The following TENM3 variants were observed in gnomAD, a reference collection of about 807,000 sequenced individuals.
TENM3 encodes teneurin transmembrane protein 3, also known as teneurin-3.
Under a neutral mutation model 255.1 loss-of-function variants are expected in TENM3, and 63 were observed. The observed-to-expected ratio is 0.25, with a 90% confidence interval of 0.20 to 0.30. The LOEUF is 0.30. Among genes scored for constraint, TENM3 ranks in the 10% least tolerant of loss-of-function variants. TENM3 has a pLI of 1.00. For missense variants in TENM3, 2,929 were observed against 3,461.1 expected (o/e 0.85, Z 3.86); for synonymous variants, 1,306 against 1,322.3 (o/e 0.99, Z 0.27).
the TENM3 span, among the ~76,000 whole-genome samples, chr4:182,084,199 A>G: frequency 5.1e-4 from 78 of 151,462 alleles, no homozygotes; most frequent in African/African-American, 1.5e-3. Context: ...TGCTGGGGGG[A>G]AAAAATAAGC....
At chr4:181,974,338 C>T in the TENM3 span, among the ~76,000 whole-genome samples, 4 of 152,080 alleles carry the variant, frequency 2.6e-5, no homozygotes, top group Admixed American at 6.6e-5. Context: ...GATGCCAAGG[C>T]GGGTGGATCA....
chr4:182,521,052 T>G (rs1738511632), intron 3 of TENM3, among the ~76,000 whole-genome samples: 1 of 152,220 alleles, frequency 6.6e-6, no homozygotes, highest in South Asian at 2.1e-4. Flanking sequence ...CTTTCATTTT[T>G]TATTTCAGAT....
At chr4:182,618,522 C>A (rs754039703) in intron 4 of TENM3, among the ~76,000 whole-genome samples, 1 of 151,278 alleles carries the variant, frequency 6.6e-6, no homozygotes, top group Non-Finnish European at 1.5e-5. Context: ...CACTAAAAAT[C>A]TTATGATGGT....
At chr4:181,717,355 CTAG>C in the TENM3 span, among the ~76,000 whole-genome samples, 2,571 of 152,212 alleles carry the variant, frequency 0.017, 43 homozygotes, top group Middle Eastern at 0.027. Context: ...TAAAAATGTC[CTAG>C]TAGAGATATT....
chr4:181,617,619 T>C, the TENM3 span, among the ~76,000 whole-genome samples: 7 of 152,212 alleles, frequency 4.6e-5, no homozygotes, highest in Admixed American at 4.6e-4. Flanking sequence ...TTGGAGGTTC[T>C]GTTCTATTTA....
chr4:181,517,291 G>A, the TENM3 span, among the ~76,000 whole-genome samples: 1 of 152,126 alleles, frequency 6.6e-6, no homozygotes, highest in African/African-American at 2.4e-5. Flanking sequence ...TCAATTTTCA[G>A]CCTCTGGAAT....
the TENM3 span, among the ~76,000 whole-genome samples, chr4:181,884,266 T>C: frequency 6.6e-6 from 1 of 151,904 alleles, no homozygotes; most frequent in Admixed American, 6.6e-5. Context: ...AATTTCCCGT[T>C]TATTTCTGAA....
the TENM3 span, among the ~76,000 whole-genome samples, chr4:181,931,394 G>C: frequency 1.3e-5 from 2 of 151,958 alleles, no homozygotes; most frequent in African/African-American, 4.8e-5. Flanking sequence ...GAGCCAAATA[G>C]TGAGTGAACT....
At chr4:181,855,750 T>C in the TENM3 span, among the ~76,000 whole-genome samples, 2 of 151,884 alleles carry the variant, frequency 1.3e-5, no homozygotes, top group Non-Finnish European at 2.9e-5. Context: ...GTGTTTGTCA[T>C]ATTAATAGTT....
intron 3 of TENM3, among the ~76,000 whole-genome samples, chr4:182,353,701 C>G (rs942724171): frequency 1.3e-5 from 2 of 152,206 alleles, no homozygotes; most frequent in Non-Finnish European, 2.9e-5. Flanking sequence ...GGCGTGGTGG[C>G]TCACGCCTGT....
At chr4:182,318,940 G>T (rs1183559289) in intron 1 of TENM3, among the ~76,000 whole-genome samples, 2 of 151,766 alleles carry the variant, frequency 1.3e-5, no homozygotes, top group African/African-American at 2.4e-5. Flanking sequence ...GCTAATTTTT[G>T]ATTTTTTTAT....
the TENM3 span, among the ~76,000 whole-genome samples, chr4:182,133,271 A>G: frequency 5.9e-5 from 9 of 152,348 alleles, no homozygotes; most frequent in Admixed American, 5.2e-4. Context: ...ATAATGCTTT[A>G]TGTTAAAAAT....
At position 182,778,147 on chromosome 4, in the gene TENM3, A is replaced by T. The variant is rs538503978; in HGVS notation, c.5304+2994A>T. ...TATTTACTAAATATTCCTAGGTTTTATCAGGGCTGGATTGTAGAACCTGCC... is the reference window on the plus strand; with the variant it reads ...TATTTACTAAATATTCCTAGGTTTTTTCAGGGCTGGATTGTAGAACCTGCC... On this transcript the variant is annotated intron_variant, in intron 24 of 27. Coordinates refer to ENST00000511685, the MANE Select transcript of TENM3 (RefSeq NM_001080477.4). Among the ~76,000 whole-genome samples, 6 of 152,248 alleles carry T rather than the reference A, an allele frequency of 3.9e-5. No individual in the cohort carries two copies. The South Asian group carries it at 1.2e-3, about 32-fold the overall frequency.
intron 3 of TENM3, among the ~76,000 whole-genome samples, chr4:182,405,301 C>T (rs1184837866): frequency 1.3e-5 from 2 of 152,142 alleles, no homozygotes; most frequent in East Asian, 1.9e-4. Flanking sequence ...GTAGATGTTG[C>T]GTAATTTTGG....
rs770601961 is a variant in TENM3 at position 182,324,263 on chromosome 4, G to A, written c.232+11G>A. ...AGTTCACTAGACAAGGTGGGTAACTGTCCTAGTAAAATAAGGCAATGCTCA... is the reference window on the plus strand; with the variant it reads ...AGTTCACTAGACAAGGTGGGTAACTATCCTAGTAAAATAAGGCAATGCTCA... On this transcript the variant is annotated intron_variant, in intron 2 of 27. Transcript: ENST00000511685. The A allele has an allele frequency of 5.7e-6, 9 of 1,591,656 alleles. No homozygotes were observed. The African/African-American group carries it at 1.1e-4, about 19-fold the overall frequency.
At chr4:181,907,493 A>G in the TENM3 span, among the ~76,000 whole-genome samples, 2 of 152,196 alleles carry the variant, frequency 1.3e-5, no homozygotes, top group African/African-American at 4.8e-5. Flanking sequence ...TCTGCAGGCC[A>G]GGACACAGAG....
At chr4:182,205,537 A>G (rs1319255233) in intron 1 of TENM3, among the ~76,000 whole-genome samples, 2 of 152,116 alleles carry the variant, frequency 1.3e-5, no homozygotes, top group Non-Finnish European at 1.5e-5. Context: ...GAGCGTTGCT[A>G]TGACTGATTT....
At chr4:181,560,264 C>T in the TENM3 span, among the ~76,000 whole-genome samples, 1 of 152,100 alleles carries the variant, frequency 6.6e-6, no homozygotes, top group Admixed American at 6.6e-5. Flanking sequence ...GGCACTAATC[C>T]CCTTCACAGG....
In TENM3 at chr4:182,233,858, C is replaced by T. The variant is rs1208427356; in HGVS notation, c.-76+89104C>T. On this transcript the variant is annotated intron_variant, in intron 1 of 2. Coordinates refer to the TENM3 transcript ENST00000512480. ...TATGCAACATCTGGTAGAAATCCCTCGGATTCTCTTGGATGTAGGCATAGG... is the reference window on the plus strand; with the variant it reads ...TATGCAACATCTGGTAGAAATCCCTTGGATTCTCTTGGATGTAGGCATAGG... Among the ~76,000 whole-genome samples, 6 of 152,244 alleles carry T rather than the reference C, an allele frequency of 3.9e-5. No individual in the cohort carries two copies. In the East Asian group the frequency reaches 9.6e-4, roughly 24 times the overall value.
Sources: allele counts gnomAD v4.1 joint callset (sites outside exome capture counted in the v4.1 genomes callset), GRCh38; gene constraint gnomAD v4.1.1; transcripts MANE v1.5; gene names NCBI Gene and HGNC (gene_info 2026-07-23, HGNC 2026-07-21).